Variants in LINGO2 observed in about 807,000 individuals in gnomAD.
LINGO2 encodes the protein leucine rich repeat and Ig domain containing 2.
A neutral mutation model predicts 30.6 loss-of-function variants in LINGO2; 14 were observed. The ratio of observed to expected loss-of-function variants is 0.46; its 90% CI spans 0.30 to 0.72. The LOEUF (loss-of-function observed/expected upper bound fraction) is 0.72. LINGO2 is among the 30% of genes least tolerant of loss of function. The pLI is 0.07. For missense variants in LINGO2, 729 were observed against 751.7 expected, an observed-to-expected ratio of 0.97 and a Z score of 0.35; for synonymous variants, 317 against 288.5, an observed-to-expected ratio of 1.10 and a Z score of -1.00.
chr9:28,009,447 CAATAA>C (rs1433959689), intron 5 of LINGO2, among the ~76,000 whole-genome samples: 1 of 150,908 alleles, frequency 6.6e-6, no homozygotes, highest in Non-Finnish European at 1.5e-5. Context: ...CCACAGAATG[CAATAA>C]AACATTTGTA....
intron 4 of LINGO2, among the ~76,000 whole-genome samples, chr9:28,027,500 G>A (rs28474959): frequency 0.021 from 3,198 of 152,126 alleles, 104 homozygotes; most frequent in African/African-American, 0.073. Context: ...AGGGAGCTAC[G>A]GCAAATACTG....
the LINGO2 span, among the ~76,000 whole-genome samples, chr9:28,769,918 T>C: frequency 6.6e-6 from 1 of 152,084 alleles, no homozygotes; most frequent in Non-Finnish European, 1.5e-5. Flanking sequence ...TGTAAACTTT[T>C]AGGAGGAGGC....
At chr9:28,158,885 T>C (rs1828210582) in intron 4 of LINGO2, among the ~76,000 whole-genome samples, 2 of 152,224 alleles carry the variant, frequency 1.3e-5, no homozygotes, top group South Asian at 4.1e-4. Context: ...TTACTTCCAT[T>C]GTAAACACTG....
the LINGO2 span, among the ~76,000 whole-genome samples, chr9:28,677,025 C>T: frequency 1.3e-5 from 2 of 152,038 alleles, no homozygotes; most frequent in South Asian, 2.1e-4. Flanking sequence ...CGATAATTAA[C>T]GGTTACTGAA....
the LINGO2 span, among the ~76,000 whole-genome samples, chr9:28,722,352 G>C: frequency 6.6e-6 from 1 of 151,992 alleles, no homozygotes; most frequent in Admixed American, 6.6e-5. Context: ...ACCTGAGAAG[G>C]ACTTTCAACT....
At chr9:28,091,283 C>G (rs1223958071) in intron 4 of LINGO2, among the ~76,000 whole-genome samples, 1 of 152,158 alleles carries the variant, frequency 6.6e-6, no homozygotes, top group Non-Finnish European at 1.5e-5. Context: ...AAGAACAAAG[C>G]TGGAGGCATC....
intron 1 of LINGO2, among the ~76,000 whole-genome samples, chr9:28,575,067 C>T (rs755878991): frequency 6.6e-6 from 1 of 152,086 alleles, no homozygotes; most frequent in Non-Finnish European, 1.5e-5. Context: ...AACCTGGATG[C>T]AGCTGGAGAA....
At chr9:28,326,583 T>A (rs542576239) in intron 3 of LINGO2, among the ~76,000 whole-genome samples, 1 of 152,348 alleles carries the variant, frequency 6.6e-6, no homozygotes, top group African/African-American at 2.4e-5. Context: ...TTCCATGAGA[T>A]GGTATGTTCC....
chr9:28,405,605 A>G (rs1433521289), intron 2 of LINGO2, among the ~76,000 whole-genome samples: 1 of 152,240 alleles, frequency 6.6e-6, no homozygotes, highest in African/African-American at 2.4e-5. Context: ...ACATATACAT[A>G]TACACATTCT....
At chr9:28,037,824 T>TAA (rs1824010834) in intron 4 of LINGO2, among the ~76,000 whole-genome samples, 1 of 152,196 alleles carries the variant, frequency 6.6e-6, no homozygotes, top group African/African-American at 2.4e-5. Context: ...CACAACCTCT[T>TAA]AAAACACCTA....
At chr9:28,014,211 T>C (rs1235476108) in intron 4 of LINGO2, among the ~76,000 whole-genome samples, 1 of 152,166 alleles carries the variant, frequency 6.6e-6, no homozygotes. Flanking sequence ...AATTATTCTT[T>C]AGAATTAGCC....
chr9:28,226,963 G>A (rs964480302), intron 4 of LINGO2, among the ~76,000 whole-genome samples: 7 of 152,080 alleles, frequency 4.6e-5, no homozygotes, highest in African/African-American at 1.7e-4. Flanking sequence ...ATAGTTTTCA[G>A]GTATATGTAT....
chr9:28,285,551 A>C (rs962874085), intron 4 of LINGO2, among the ~76,000 whole-genome samples: 1 of 151,650 alleles, frequency 6.6e-6, no homozygotes, highest in Non-Finnish European at 1.5e-5. Flanking sequence ...GACTACAGGC[A>C]CCCACCACCA....
chr9:28,566,251 T>C (rs1422932952), intron 1 of LINGO2, among the ~76,000 whole-genome samples: 2 of 152,196 alleles, frequency 1.3e-5, no homozygotes, highest in African/African-American at 4.8e-5. Context: ...GGCTCGTGGC[T>C]GAAGCCACTT....
the LINGO2 span, among the ~76,000 whole-genome samples, chr9:29,157,001 A>G: frequency 4.6e-5 from 7 of 152,090 alleles, no homozygotes; most frequent in African/African-American, 1.7e-4. Flanking sequence ...ATCTATTTAG[A>G]CATTCCCATT....
chr9:28,629,408 G>A lies in LINGO2; in HGVS notation c.-365+40792C>T, dbSNP rs114541649. 2.6e-3 allele frequency among the ~76,000 whole-genome samples: 398 copies of A among 151,960 alleles called. 3 individuals carry two copies. The highest frequency in any genetic ancestry group is 9.2e-3 in the African/African-American group (380 of 41,464). Reference sequence around the variant, plus strand: ...TCCTTTCTTCTTCCCTTTTCTTTACGATCCTCTTGTTTCCCCCAAAAACTT... The same window carrying A: ...TCCTTTCTTCTTCCCTTTTCTTTACAATCCTCTTGTTTCCCCCAAAAACTT... On this transcript the variant is annotated intron_variant, in intron 1 of 5. Coordinates refer to ENST00000379992, the Ensembl canonical transcript of LINGO2.
intron 1 of LINGO2, among the ~76,000 whole-genome samples, chr9:28,547,028 G>T (rs1428429177): frequency 1.3e-5 from 2 of 152,050 alleles, no homozygotes; most frequent in Non-Finnish European, 2.9e-5. Context: ...GGGACAAATT[G>T]AATCCATCAA....
At chr9:28,977,021 T>C in the LINGO2 span, among the ~76,000 whole-genome samples, 1 of 152,120 alleles carries the variant, frequency 6.6e-6, no homozygotes, top group East Asian at 1.9e-4. Flanking sequence ...ATGTAAAAAA[T>C]AAGCTAACAT....
intron 1 of LINGO2, among the ~76,000 whole-genome samples, chr9:28,615,337 C>A (rs953594053): frequency 6.6e-6 from 1 of 152,094 alleles, no homozygotes; most frequent in African/African-American, 2.4e-5. Flanking sequence ...AGGATATAAA[C>A]GCCTACGCAA....
Sources: gnomAD v4.1 joint callset for allele counts (sites outside exome capture counted in the v4.1 genomes callset) on GRCh38, gnomAD v4.1.1 for gene constraint, MANE v1.5 for transcripts, NCBI Gene and HGNC (gene_info 2026-07-23, HGNC 2026-07-21) for gene names.